CBY2: variants seen among roughly 807,000 people sequenced by gnomAD.
CBY2 encodes protein chibby homolog 2.
CBY2 carries 23 observed loss-of-function variants against 25.3 expected under a neutral mutation model. That is an observed-to-expected ratio of 0.91 (90% CI 0.65 to 1.29). The LOEUF is 1.29. Among genes scored for constraint, CBY2 ranks in the 50% most tolerant of loss-of-function variants. CBY2 has a pLI of 0.00. For missense variants in CBY2, 642 were observed against 590.7 expected (o/e 1.09, Z -0.90); for synonymous variants, 279 against 260.2 (o/e 1.07, Z -0.70).
Position 45,714,052 on chromosome 13 carries a change from G to C in CBY2, c.1027G>C (p.Ala343Pro), listed in dbSNP as rs1437313923. 1 of 1,504,000 alleles carries C rather than the reference G, an allele frequency of 6.6e-7. No individual in the cohort carries two copies. Among genetic ancestry groups the C allele is most frequent in the East Asian group, 2.4e-5 (1 of 41,628 alleles). The allele number at this position is 1,504,000 out of a possible 1,614,324, so 93.2% of individuals were successfully genotyped here. ...NMSGPSGEEE[A>P]KVGPGLPDGC... ...GTCCGGGCCCTCCGGGGAGGAGGAG[G>C]CCAAGGTGGGCCCGGGCCTGCCCGA... The change falls in exon 3 of 3, where the codon GCC becomes CCC. Residue 343 changes from alanine to proline, a missense_variant. Physicochemically the swap from Ala to Pro is conservative, Grantham distance 27 (BLOSUM62 -1). Coordinates refer to ENST00000310521, the MANE Select transcript of CBY2 (RefSeq NM_152719.3).
intron 2 of CBY2, among the ~76,000 whole-genome samples, chr13:45,710,823 A>G (rs1241722634): frequency 6.6e-6 from 1 of 152,216 alleles, no homozygotes; most frequent in African/African-American, 2.4e-5. Flanking sequence ...TTACAAAGTT[A>G]ATGACATGTG....
At chr13:45,706,356 C>T (rs78261889) in intron 2 of CBY2, among the ~76,000 whole-genome samples, 6,195 of 152,236 alleles carry the variant, frequency 0.041, 170 homozygotes, top group South Asian at 0.12. Context: ...GGACTTCAGG[C>T]TTCTGTGAGG....
chr13:45,706,313 C>A (rs1950239290), intron 2 of CBY2, among the ~76,000 whole-genome samples: 1 of 152,190 alleles, frequency 6.6e-6, no homozygotes, highest in South Asian at 2.1e-4. Flanking sequence ...GGCACCAGAC[C>A]TAATGCTAAG....
chr13:45,706,565 CT>C (rs1367067425), intron 2 of CBY2, among the ~76,000 whole-genome samples: 48 of 152,320 alleles, frequency 3.2e-4, no homozygotes, highest in African/African-American at 1.2e-3. Flanking sequence ...AGAAGCCAAC[CT>C]TTTTCTTTCC....
intron 2 of CBY2, among the ~76,000 whole-genome samples, chr13:45,711,212 T>C (rs974790260): frequency 6.6e-6 from 1 of 152,234 alleles, no homozygotes; most frequent in African/African-American, 2.4e-5. Context: ...CTTGCATTAG[T>C]GAAATCTACT....
intron 2 of CBY2, among the ~76,000 whole-genome samples, chr13:45,711,870 G>A (rs1355253279): frequency 1.3e-5 from 2 of 152,156 alleles, no homozygotes; most frequent in Non-Finnish European, 2.9e-5. Flanking sequence ...CATGTTGAAC[G>A]CTCATTGCTC....
In CBY2 at chr13:45,714,378, C is replaced by T; in HGVS notation, c.*6C>T. On this transcript the variant is annotated 3_prime_UTR_variant, in exon 3 of 3. Transcript: ENST00000310521. The stretch of plus-strand genomic sequence containing the variant: ...AGAAGCCTAGCAGGGTCTGAGGCCT[C>T]GGCCTTGCACCGGGACGCCGAGTTT... The T allele has an allele frequency of 6.3e-7, 1 of 1,575,614 alleles. No individual in the cohort carries two copies. The highest frequency in any genetic ancestry group is 8.6e-7 in the Non-Finnish European group (1 of 1,159,194).
At position 45,714,020 on chromosome 13, in the gene CBY2, G is replaced by C. The variant is rs1305990255; in HGVS notation, c.995G>C (p.Ser332Thr). The C allele has an allele frequency of 1.3e-6, 2 of 1,488,318 alleles. No individual in the cohort carries two copies. Among genetic ancestry groups the C allele is most frequent in the Admixed American group, 2.5e-5 (1 of 39,888 alleles). The allele number at this position is 1,488,318 out of a possible 1,614,324, so 92.2% of individuals were successfully genotyped here. A position where few individuals can be genotyped will look rare whatever the true frequency, so the allele number is the denominator to read the frequency against. The change falls in exon 3 of 3, where the codon AGC (serine) becomes ACC (threonine). Residue 332 changes from serine (S) to threonine (T), a missense_variant. By Grantham distance (58) the Ser-to-Thr change is moderately conservative. Coordinates refer to ENST00000310521, the MANE Select transcript of CBY2 (RefSeq NM_152719.3). ...KELRALRKMVSNMSGPSGEEE... is the reference protein window; with the variant it reads ...KELRALRKMVTNMSGPSGEEE... The stretch of plus-strand genomic sequence containing the variant: ...CTGCGCGCCCTGCGGAAGATGGTCA[G>C]CAACATGTCCGGGCCCTCCGGGGAG...
At chr13:45,703,712 A>G in intron 2 of CBY2, 1 of 759,360 alleles carries the variant, frequency 1.3e-6, no homozygotes, top group Admixed American at 2.5e-5. Flanking sequence ...AAAAATATGG[A>G]AGAAGAAAAC....
chr13:45,710,338 C>T (rs1343160367), intron 2 of CBY2, among the ~76,000 whole-genome samples: 1 of 152,152 alleles, frequency 6.6e-6, no homozygotes, highest in South Asian at 2.1e-4. Context: ...TCCTGGCCAA[C>T]ATGATGAAAC....
rs1251307266 is a variant in CBY2, at chr13:45,714,242, T to A, written c.1217T>A (p.Leu406Gln). ...AAGGCCCTGTGGGAGAACAACAAGC[T>A]GAAGCTGCAGCAGAAGCTGGTCATT... ...ENKALWENNK[L>Q]KLQQKLVIDT... The change falls in exon 3 of 3, where the codon CTG becomes CAG. Residue 406 changes from leucine to glutamine, a missense_variant. Leu to Gln is a moderately radical substitution (Grantham distance 113). Coordinates refer to ENST00000310521, the MANE Select transcript of CBY2 (RefSeq NM_152719.3). 6.2e-7 allele frequency: 1 copy of A among 1,612,948 alleles called. No individual in the cohort carries two copies. The highest frequency in any genetic ancestry group is 1.1e-5 in the South Asian group (1 of 90,872).
Position 45,714,299 on chromosome 13 carries a change from A to C in CBY2, c.1274A>C (p.Glu425Ala). ...DTVTEVTARM[E>A]MLIEELYAFM... ...GTGACCGAGGTCACCGCGCGCATGG[A>C]AATGCTCATCGAGGAGCTCTACGCC... Residue 425 changes from glutamate to alanine, a missense_variant, in exon 3 of 3, where the codon GAA (glutamate) becomes GCA (alanine). Coordinates refer to ENST00000310521, the MANE Select transcript of CBY2 (RefSeq NM_152719.3). 1 of 1,613,190 alleles carries C rather than the reference A, an allele frequency of 6.2e-7. No individual in the cohort carries two copies. The highest frequency in any genetic ancestry group is 8.5e-7 in the Non-Finnish European group (1 of 1,179,860).
In CBY2 at chr13:45,713,960, A is replaced by G. The variant is rs1472709693; in HGVS notation, c.935A>G (p.Lys312Arg). 6.6e-6 allele frequency: 10 copies of G among 1,525,338 alleles called. No homozygotes were observed. In the East Asian group the frequency reaches 7.4e-5, roughly 11 times the overall value. 94.5% of individuals were successfully genotyped at this position (1,525,338 alleles called of 1,614,324 possible). A position where few individuals can be genotyped will look rare whatever the true frequency, so the allele number is the denominator to read the frequency against. ...SGLSSRFEEP[K>R]GPPARQEDSK... ...CTCTCCTCCCGCTTCGAGGAGCCCAAAGGGCCTCCGGCCCGGCAGGAGGAC... is the reference window on the plus strand; with the variant it reads ...CTCTCCTCCCGCTTCGAGGAGCCCAGAGGGCCTCCGGCCCGGCAGGAGGAC... The change falls in exon 3 of 3, where the codon AAA becomes AGA. Residue 312 changes from lysine (K) to arginine (R), a missense_variant. Physicochemically the swap from Lys to Arg is conservative, Grantham distance 26. Transcript: ENST00000310521. This position sits in a 1 kb window ranked among gnomAD's most constrained non-coding sequence, Gnocchi z 5.0.
At position 45,713,584 on chromosome 13, in the gene CBY2, C is replaced by T. The variant is rs775733198; in HGVS notation, c.559C>T (p.Arg187Trp). 11 of 1,613,682 alleles carry T rather than the reference C, an allele frequency of 6.8e-6. No homozygotes were observed. The highest frequency in any genetic ancestry group is 9.3e-6 in the Non-Finnish European group (11 of 1,179,866). Reference protein sequence around the residue: ...EENKALREENRMLSKENKILQ... With the variant: ...EENKALREENWMLSKENKILQ... ...GAACAAGGCCCTGCGCGAGGAGAAC[C>T]GGATGCTCAGCAAGGAGAACAAGAT... is the stretch of plus-strand genomic sequence containing the variant. Residue 187 changes from arginine to tryptophan, a missense_variant, in exon 3 of 3, where the codon CGG becomes TGG. Arg to Trp is a moderately radical substitution (Grantham distance 101). Transcript: ENST00000310521. The surrounding 1 kb of genome is among the most constrained non-coding windows in gnomAD (Gnocchi z 5.0).
intron 2 of CBY2, among the ~76,000 whole-genome samples, chr13:45,710,478 G>A (rs571275534): frequency 7.2e-5 from 11 of 152,224 alleles, no homozygotes; most frequent in South Asian, 4.1e-4. Flanking sequence ...AGCCGAAATC[G>A]TACCACTGCA....
intron 2 of CBY2, among the ~76,000 whole-genome samples, chr13:45,712,622 C>G (rs1182972004): frequency 6.6e-6 from 1 of 152,134 alleles, no homozygotes; most frequent in African/African-American, 2.4e-5. Flanking sequence ...AAAATAGTGT[C>G]CATTGCGCAG....
At chr13:45,709,406 T>A (rs937373168) in intron 2 of CBY2, among the ~76,000 whole-genome samples, 2 of 152,186 alleles carry the variant, frequency 1.3e-5, no homozygotes, top group African/African-American at 4.8e-5. Context: ...GTAGAAAGCA[T>A]CCATGATTCC....
At chr13:45,712,331 T>G (rs1950275831) in intron 2 of CBY2, among the ~76,000 whole-genome samples, 1 of 152,264 alleles carries the variant, frequency 6.6e-6, no homozygotes, top group South Asian at 2.1e-4. Flanking sequence ...TCAAATAACT[T>G]GCTCAAATTC....
chr13:45,708,165 A>G (rs1054978198), intron 2 of CBY2, among the ~76,000 whole-genome samples: 1 of 152,216 alleles, frequency 6.6e-6, no homozygotes, highest in East Asian at 1.9e-4. Flanking sequence ...TGGGCATTTC[A>G]AAAATATATG....
Sources: allele counts gnomAD v4.1 joint callset (sites outside exome capture counted in the v4.1 genomes callset), GRCh38; gene constraint gnomAD v4.1.1; non-coding constraint Gnocchi (gnomAD v3.1); transcripts MANE v1.5; gene names NCBI Gene and HGNC (gene_info 2026-07-23, HGNC 2026-07-21).